MTOR: variants seen among roughly 807,000 people sequenced by gnomAD.
The protein encoded by MTOR is mechanistic target of rapamycin kinase.
Under a neutral mutation model 319.8 loss-of-function variants are expected in MTOR, and 70 were observed. That is an observed-to-expected ratio of 0.22 (90% CI 0.18 to 0.27). The LOEUF (loss-of-function observed/expected upper bound fraction) is 0.27, where lower values mean the gene tolerates loss of function less well. Among genes scored for constraint, MTOR ranks in the 10% least tolerant of loss-of-function variants. The pLI, the probability that MTOR is intolerant of heterozygous loss-of-function variation, is 1.00. For missense variants in MTOR, 1,890 were observed against 3,274.4 expected, an observed-to-expected ratio of 0.58 and a Z score of 10.32; for synonymous variants, 1,183 against 1,211.4, an observed-to-expected ratio of 0.98 and a Z score of 0.49.
chr1:11,257,182 G>A lies in MTOR; in HGVS notation c.272-17C>T. On this transcript the variant is annotated splice_polypyrimidine_tract_variant and intron_variant, in intron 3 of 57. Coordinates refer to ENST00000361445, the MANE Select transcript of MTOR (RefSeq NM_004958.4). The stretch of plus-strand genomic sequence containing the variant: ...TGAGGCTAGCTGCAAAAGAGAGGAA[G>A]GCAAAAGGTGATGATGGGGCGTATG... The A allele has an allele frequency of 6.2e-7, 1 of 1,601,286 alleles. No homozygotes were observed. The highest frequency in any genetic ancestry group is 8.5e-7 in the Non-Finnish European group (1 of 1,171,806).
intron 29 of MTOR, among the ~76,000 whole-genome samples, chr1:11,160,782 T>C (rs1644453595): frequency 6.6e-6 from 1 of 152,246 alleles, no homozygotes; most frequent in Admixed American, 6.5e-5. Flanking sequence ...TCATGATTTA[T>C]CTCAGTTGAA....
At chr1:11,140,823 C>T (rs1342230074) in intron 34 of MTOR, among the ~76,000 whole-genome samples, 1 of 152,038 alleles carries the variant, frequency 6.6e-6, no homozygotes, top group South Asian at 2.1e-4. Context: ...TTGAAGATGA[C>T]TATCACTGAT....
chr1:11,118,204 C>A (rs1178946643), intron 49 of MTOR, among the ~76,000 whole-genome samples: 1 of 149,762 alleles, frequency 6.7e-6, no homozygotes, highest in East Asian at 1.9e-4. Context: ...AATAAAGTTA[C>A]GCCTTAAATT....
chr1:11,135,402 A>G (rs760252096), intron 36 of MTOR, among the ~76,000 whole-genome samples: 1 of 152,216 alleles, frequency 6.6e-6, no homozygotes, highest in African/African-American at 2.4e-5. Flanking sequence ...AACACAGGGA[A>G]AGGAAACATT....
chr1:11,179,145 G>A (rs1242510375), intron 28 of MTOR, among the ~76,000 whole-genome samples: 1 of 152,236 alleles, frequency 6.6e-6, no homozygotes, highest in Non-Finnish European at 1.5e-5. Context: ...GGAGAGACCA[G>A]TGGTGCCCCT....
chr1:11,187,361 T>TG (rs1217422911), intron 28 of MTOR, among the ~76,000 whole-genome samples: 1 of 152,190 alleles, frequency 6.6e-6, no homozygotes, highest in Non-Finnish European at 1.5e-5. Context: ...GAGGTAAAAC[T>TG]GTTCCACCTC....
At chr1:11,240,173 A>G (rs1033507922) in intron 11 of MTOR, 130 bp downstream of exon 11, 2 of 1,257,440 alleles carry the variant, frequency 1.6e-6, no homozygotes, top group African/African-American at 3.0e-5. Context: ...AGGAAGGATG[A>G]GCTGCTACAG....
chr1:11,250,908 T>C (rs919266017), intron 6 of MTOR, among the ~76,000 whole-genome samples: 10 of 152,194 alleles, frequency 6.6e-5, no homozygotes, highest in African/African-American at 2.2e-4. Context: ...CATCAGCAAA[T>C]CCCAAATTCA....
intron 24 of MTOR, among the ~76,000 whole-genome samples, chr1:11,210,225 C>CA (rs1317267484): frequency 3.9e-5 from 6 of 152,210 alleles, no homozygotes; most frequent in Admixed American, 1.3e-4. Context: ...TGCACTGGTG[C>CA]AATCACAGCT....
At chr1:11,171,797 G>T (rs561769467) in intron 28 of MTOR, among the ~76,000 whole-genome samples, 1 of 152,152 alleles carries the variant, frequency 6.6e-6, no homozygotes, top group East Asian at 1.9e-4. Context: ...AGCTTTGGGA[G>T]GCCAAGGTAG....
chr1:11,121,734 T>C lies in MTOR; in HGVS notation c.6810+245A>G, dbSNP rs148945657. On this transcript the variant is annotated intron_variant, in intron 48 of 57. Transcript: ENST00000361445. This position sits in a 1 kb window ranked among gnomAD's most constrained non-coding sequence, Gnocchi z 4.9. The stretch of plus-strand genomic sequence containing the variant: ...AGTGCTTTGTATACATTAGTAAATA[T>C]ATGGTGCCGAATATTTATCTGTCTA... Among the ~76,000 whole-genome samples, 1 of 152,352 alleles carries C rather than the reference T, an allele frequency of 6.6e-6. No individual in the cohort carries two copies. The highest frequency in any genetic ancestry group is 1.5e-5 in the Non-Finnish European group (1 of 68,032).
In MTOR at chr1:11,258,179, C is replaced by T. The variant is rs7525957; in HGVS notation, c.271+306G>A. 0.61 allele frequency among the ~76,000 whole-genome samples: 92,756 copies of T among 151,582 alleles called. 31,444 individuals are homozygous for T. Among genetic ancestry groups the T allele is most frequent in the East Asian group, 0.87 (4,474 of 5,166 alleles). ...TTTTCCATTCGTGAGCCCCACTATG[C>T]GAAACCCTGCTCTACTGAGGAAGCA... On this transcript the variant is annotated intron_variant, in intron 3 of 57. Transcript: ENST00000361445.
chr1:11,168,069 CAAA>C (rs879426734), intron 28 of MTOR, among the ~76,000 whole-genome samples: 4 of 110,072 alleles, frequency 3.6e-5, no homozygotes, highest in Admixed American at 9.9e-5. Flanking sequence ...GACACTGTCT[CAAA>C]AAAAAAAAAA....
chr1:11,208,742 T>C (rs532105442), intron 25 of MTOR, among the ~76,000 whole-genome samples: 34 of 152,356 alleles, frequency 2.2e-4, no homozygotes, highest in African/African-American at 7.7e-4. Flanking sequence ...GAAAAGCTGG[T>C]CATATCTTAG....
At chr1:11,165,529 A>C (rs539850308) in intron 29 of MTOR, among the ~76,000 whole-genome samples, 1,800 of 152,158 alleles carry the variant, frequency 0.012, 48 homozygotes, top group African/African-American at 0.04. Flanking sequence ...TAGGAATCCA[A>C]CTTACAAGGG....
chr1:11,136,353 C>G (rs1643417632), intron 36 of MTOR, among the ~76,000 whole-genome samples: 13 of 152,182 alleles, frequency 8.5e-5, no homozygotes, highest in Admixed American at 7.2e-4. Flanking sequence ...CACAGATGTT[C>G]CAACACTTAA....
intron 47 of MTOR, among the ~76,000 whole-genome samples, chr1:11,122,770 G>A (rs1642608731): frequency 6.6e-6 from 1 of 152,080 alleles, no homozygotes; most frequent in Admixed American, 6.6e-5. Flanking sequence ...GCCTCCCAAA[G>A]TGCTGGGATT....
rs1642853052 is a variant in MTOR at position 11,126,605 on chromosome 1, T to G, written c.6526+17A>C. The G allele has an allele frequency of 3.1e-6, 5 of 1,611,332 alleles. No individual in the cohort carries two copies. The highest frequency in any genetic ancestry group is 4.2e-6 in the Non-Finnish European group (5 of 1,178,226). On this transcript the variant is annotated intron_variant, in intron 46 of 57. Coordinates refer to ENST00000361445, the MANE Select transcript of MTOR (RefSeq NM_004958.4). ...AGGAGGGAGAAGTGGGTGACAGAAGTGCACAATGGTCCTTACCCATAAGTG... is the reference window on the plus strand; with the variant it reads ...AGGAGGGAGAAGTGGGTGACAGAAGGGCACAATGGTCCTTACCCATAAGTG...
intron 5 of MTOR, among the ~76,000 whole-genome samples, 199 bp from the exon 6 acceptor site, chr1:11,254,172 C>T (rs1412478444): frequency 6.6e-6 from 1 of 151,614 alleles, no homozygotes; most frequent in Non-Finnish European, 1.5e-5. Context: ...TGGAGTCTTG[C>T]TCTATTGCCC....
Sources: gnomAD v4.1 joint callset for allele counts (sites outside exome capture counted in the v4.1 genomes callset) on GRCh38, gnomAD v4.1.1 for gene constraint, Gnocchi (gnomAD v3.1) non-coding constraint, MANE v1.5 for transcripts, NCBI Gene and HGNC (gene_info 2026-07-23, HGNC 2026-07-21) for gene names.